DAB1: variants seen among roughly 807,000 people sequenced by gnomAD.
The protein encoded by DAB1 is disabled homolog 1.
Under a neutral mutation model 64.6 loss-of-function variants are expected in DAB1, and 15 were observed. That is an observed-to-expected ratio of 0.23 (90% CI 0.16 to 0.36). DAB1 has a LOEUF of 0.36. DAB1 is among the 10% of genes least tolerant of loss of function. The pLI, the probability that DAB1 is intolerant of heterozygous loss-of-function variation, is 1.00. For synonymous variants in DAB1, 235 were observed against 251.9 expected (o/e 0.93, Z 0.64); for missense variants, 596 against 706.7 (o/e 0.84, Z 1.78).
intron 3 of DAB1, chr1:58,468,133 C>A (rs1177412650): frequency 6.6e-6 from 1 of 152,218 alleles, no homozygotes; most frequent in African/African-American, 2.4e-5. Flanking sequence ...CCATGTTGGC[C>A]AGGATGGTCT....
intron 6 of DAB1, among the ~76,000 whole-genome samples, chr1:57,663,302 C>G (rs1175227728): frequency 6.6e-6 from 1 of 152,154 alleles, no homozygotes; most frequent in East Asian, 1.9e-4. Flanking sequence ...TCACCTCCTA[C>G]CAGGCCCCTC....
At chr1:57,657,376 A>G (rs1015138607) in intron 6 of DAB1, among the ~76,000 whole-genome samples, 2 of 152,138 alleles carry the variant, frequency 1.3e-5, no homozygotes, top group Non-Finnish European at 2.9e-5. Context: ...GAGCAGTAAA[A>G]CCCCTAGGGG....
chr1:57,871,450 C>T (rs1643947862), intron 1 of DAB1, among the ~76,000 whole-genome samples: 1 of 152,152 alleles, frequency 6.6e-6, no homozygotes, highest in Admixed American at 6.6e-5. Flanking sequence ...GAAGATCACA[C>T]AGCTAGTAAG....
intron 7 of DAB1, among the ~76,000 whole-genome samples, chr1:57,541,418 C>T (rs368130746): frequency 1.3e-4 from 20 of 152,204 alleles, no homozygotes; most frequent in Admixed American, 3.3e-4. Context: ...CGTGAGCCAC[C>T]GCACCCAGCC....
At chr1:57,665,826 T>C (rs1646439742) in intron 6 of DAB1, among the ~76,000 whole-genome samples, 3 of 150,638 alleles carry the variant, frequency 2.0e-5, no homozygotes, top group African/African-American at 7.3e-5. Flanking sequence ...GGTTTTTTTT[T>C]TCTTCCCTTT....
chr1:57,883,851 G>C (rs554713704), intron 1 of DAB1: 1 of 152,186 alleles, frequency 6.6e-6, no homozygotes, highest in South Asian at 2.1e-4. Flanking sequence ...TGAACCTTGG[G>C]TTATTAACTA....
chr1:57,066,289 A>G (rs1650903095), intron 8 of DAB1, among the ~76,000 whole-genome samples: 1 of 152,196 alleles, frequency 6.6e-6, no homozygotes, highest in African/African-American at 2.4e-5. Flanking sequence ...TCAGCACCTC[A>G]ATTGGGGGAA....
chr1:57,694,485 A>T (rs1474657140), intron 6 of DAB1, among the ~76,000 whole-genome samples: 3 of 152,164 alleles, frequency 2.0e-5, no homozygotes, highest in African/African-American at 7.2e-5. Flanking sequence ...TGACAACTTG[A>T]TAAGCAGTTA....
chr1:57,789,300 G>C (rs1350534736), intron 6 of DAB1, among the ~76,000 whole-genome samples: 2 of 152,182 alleles, frequency 1.3e-5, no homozygotes, highest in Non-Finnish European at 2.9e-5. Flanking sequence ...CACGCGAGAA[G>C]AGGTAGAAGG....
chr1:57,035,654 C>T (rs1320625989), intron 9 of DAB1, among the ~76,000 whole-genome samples: 3 of 152,004 alleles, frequency 2.0e-5, no homozygotes, highest in African/African-American at 7.3e-5. Context: ...GTCAATTAAC[C>T]TCAGTTTTCT....
chr1:58,324,016 C>G (rs1662760846), intron 4 of DAB1, among the ~76,000 whole-genome samples: 1 of 151,636 alleles, frequency 6.6e-6, no homozygotes, highest in East Asian at 1.9e-4. Flanking sequence ...AGTTACATTT[C>G]AAAATTTTCT....
At chr1:57,671,385 G>C (rs1646508514) in intron 6 of DAB1, among the ~76,000 whole-genome samples, 1 of 152,052 alleles carries the variant, frequency 6.6e-6, no homozygotes, top group African/African-American at 2.4e-5. Flanking sequence ...TGCTAGATTT[G>C]ATCTGCAGGC....
In DAB1 at chr1:57,072,426, A is replaced by T. The variant is rs200785852; in HGVS notation, c.307-12T>A. The T allele has an allele frequency of 4.5e-4, 731 of 1,610,254 alleles. No homozygotes were observed. Among genetic ancestry groups the T allele is most frequent in the Non-Finnish European group, 5.9e-4 (691 of 1,178,136 alleles). On this transcript the variant is annotated splice_polypyrimidine_tract_variant and intron_variant, in intron 4 of 14. Coordinates refer to ENST00000371236, the MANE Select transcript of DAB1 (RefSeq NM_001365792.1). ...TGATGCTGAAGGGCCTATCAGAGAA[A>T]AAAAAGGAAGAACATATTTCAGGGG...
intron 11 of DAB1, among the ~76,000 whole-genome samples, chr1:57,018,820 C>T (rs1337812180): frequency 2.6e-5 from 4 of 152,150 alleles, no homozygotes; most frequent in Admixed American, 6.5e-5. Context: ...TCAGCTCCTT[C>T]CACCTCTTCA....
intron 3 of DAB1, among the ~76,000 whole-genome samples, chr1:58,370,155 C>A (rs1179788676): frequency 2.0e-5 from 3 of 152,054 alleles, no homozygotes; most frequent in Admixed American, 6.5e-5. Flanking sequence ...ACTCAAACAG[C>A]CATCAATAGG....
chr1:57,383,339 T>C (rs1681536483), intron 1 of DAB1, among the ~76,000 whole-genome samples: 1 of 152,186 alleles, frequency 6.6e-6, no homozygotes, highest in African/African-American at 2.4e-5. Flanking sequence ...ATTCTCAGGT[T>C]GGGGTATTTT....
chr1:57,645,134 C>A (rs1646176679), intron 7 of DAB1, among the ~76,000 whole-genome samples: 2 of 152,158 alleles, frequency 1.3e-5, no homozygotes, highest in African/African-American at 4.8e-5. Flanking sequence ...GCTGCCACCT[C>A]CCTTCTATCC....
intron 4 of DAB1, among the ~76,000 whole-genome samples, chr1:58,334,085 T>C (rs142480381): frequency 5.3e-5 from 8 of 152,334 alleles, no homozygotes; most frequent in African/African-American, 1.9e-4. Flanking sequence ...GGAAGGAATG[T>C]ACATCCCTGC....
intron 7 of DAB1, among the ~76,000 whole-genome samples, chr1:57,633,623 T>C (rs1297361138): frequency 1.3e-5 from 2 of 152,200 alleles, no homozygotes; most frequent in East Asian, 3.9e-4. Flanking sequence ...AATAATCTCC[T>C]TGGCTCAGCC....
Sources: allele counts gnomAD v4.1 joint callset (sites outside exome capture counted in the v4.1 genomes callset), GRCh38; gene constraint gnomAD v4.1.1; transcripts MANE v1.5; gene names NCBI Gene and HGNC (gene_info 2026-07-23, HGNC 2026-07-21).